Variants in SLC6A9 observed in about 807,000 individuals in gnomAD.
SLC6A9 encodes sodium- and chloride-dependent glycine transporter 1.
In SLC6A9, 31 loss-of-function variants were observed where a neutral mutation model predicts 70.9. The observed-to-expected ratio is 0.44, with a 90% CI of 0.33 to 0.59. SLC6A9 has a LOEUF of 0.59. Ranked by LOEUF, SLC6A9 falls within the 20% of genes least tolerant of loss-of-function variation. The pLI is 0.04. For synonymous variants in SLC6A9, 310 were observed against 341.3 expected (o/e 0.91, Z 1.01); for missense variants, 631 against 845.2 (o/e 0.75, Z 3.14).
intron 1 of SLC6A9, among the ~76,000 whole-genome samples, chr1:44,026,965 G>A (rs1426385996): frequency 1.3e-5 from 2 of 152,230 alleles, no homozygotes; most frequent in Non-Finnish European, 2.9e-5. Flanking sequence ...GTGGACTGGA[G>A]GGAAAAGACT....
chr1:44,028,864 G>T (rs921687379), intron 1 of SLC6A9, among the ~76,000 whole-genome samples: 2 of 152,184 alleles, frequency 1.3e-5, no homozygotes, highest in African/African-American at 4.8e-5. Context: ...AGGGGCTCAG[G>T]TTAGGAAGGT....
intron 12 of SLC6A9, 34 bp downstream of exon 12, chr1:44,000,733 G>A: frequency 7.2e-7 from 1 of 1,393,040 alleles, no homozygotes; most frequent in South Asian, 1.3e-5. Flanking sequence ...CCAAGGGGCA[G>A]CGGGGGAAGG....
Position 43,997,675 on chromosome 1 carries a change from CCT to C in SLC6A9, c.1770_1771del (p.Gly591AlafsTer11). On this transcript the variant is annotated frameshift_variant, in exon 14 of 14. Transcript: ENST00000372310. LOFTEE classifies it high-confidence loss of function. This position sits in a 1 kb window ranked among gnomAD's most constrained non-coding sequence, Gnocchi z 4.4. Reference sequence around the variant, plus strand: ...GGGGGCTATGGTGGGGGCGTAGCGCCCTGTCCGGTGCTCCAGGAGGGCAGGGC... The same window carrying C: ...GGGGGCTATGGTGGGGGCGTAGCGCCGTCCGGTGCTCCAGGAGGGCAGGGC... The C allele has an allele frequency of 6.2e-7, 1 of 1,613,348 alleles. No homozygotes were observed. The highest frequency in any genetic ancestry group is 8.5e-7 in the Non-Finnish European group (1 of 1,179,788).
chr1:44,009,223 CTT>C (rs34741082), intron 4 of SLC6A9, among the ~76,000 whole-genome samples: 66 of 132,268 alleles, frequency 5.0e-4, no homozygotes, highest in Admixed American at 7.5e-4. Context: ...ATGGGGTTTC[CTT>C]TTTTTTTTTT....
intron 1 of SLC6A9, among the ~76,000 whole-genome samples, chr1:44,025,806 A>C (rs1457381844): frequency 6.6e-6 from 1 of 152,176 alleles, no homozygotes; most frequent in Non-Finnish European, 1.5e-5. Context: ...TCTCAAAAAA[A>C]AAAAAAAAGA....
intron 5 of SLC6A9, among the ~76,000 whole-genome samples, chr1:44,005,844 A>G (rs2086287885): frequency 6.6e-6 from 1 of 152,190 alleles, no homozygotes; most frequent in Admixed American, 6.5e-5. Flanking sequence ...GGCAGCAGGG[A>G]GCCGTGCTGC....
chr1:44,002,920 C>A lies in SLC6A9; in HGVS notation c.656G>T (p.Gly219Val). ...NFGEVRLPLL[G>V]CLGVSWLVVF... ...GACCAACCAGGAGACACCGAGGCAGCCAAGGAGGGGCAGCCGCACCTCCCC... is the reference window on the plus strand; with the variant it reads ...GACCAACCAGGAGACACCGAGGCAGACAAGGAGGGGCAGCCGCACCTCCCC... The change falls in exon 6 of 14, where the codon GGC (glycine) becomes GTC (valine). Residue 219 changes from glycine to valine, a missense_variant. Physicochemically the swap from Gly to Val is moderately radical, Grantham distance 109. Coordinates refer to ENST00000372310, the MANE Select transcript of SLC6A9 (RefSeq NM_001024845.3). The surrounding 1 kb of genome is among the most constrained non-coding windows in gnomAD (Gnocchi z 5.5). The A allele has an allele frequency of 6.2e-7, 1 of 1,614,094 alleles. No homozygotes were observed. Among genetic ancestry groups the A allele is most frequent in the Non-Finnish European group, 8.5e-7 (1 of 1,179,960 alleles).
At chr1:44,003,143 C>T (rs751952143) in intron 5 of SLC6A9, among the ~76,000 whole-genome samples, 158 bp from the exon 6 acceptor site, 15 of 152,224 alleles carry the variant, frequency 9.9e-5, no homozygotes, top group Admixed American at 2.0e-4. Flanking sequence ...CAGCCCTGGC[C>T]GGCCCAGTCC....
At chr1:44,015,090 C>CT (rs908527299) in intron 2 of SLC6A9, among the ~76,000 whole-genome samples, 3 of 152,044 alleles carry the variant, frequency 2.0e-5, no homozygotes, top group Non-Finnish European at 2.9e-5. Context: ...CAATTTTGCC[C>CT]TTTTTTTTCC....
In SLC6A9 at chr1:44,001,386, G is replaced by T. The variant is rs200894491; in HGVS notation, c.1200+4C>A. On this transcript the variant is annotated splice_donor_region_variant and intron_variant, in intron 9 of 13. Transcript: ENST00000372310. The stretch of plus-strand genomic sequence containing the variant: ...GCCTCCGGTCCACGTCCTGCACCTC[G>T]TACCTGAGTGCCCAGCCCCAGCAGG... 1 of 1,612,280 alleles carries T rather than the reference G, an allele frequency of 6.2e-7. No homozygotes were observed.
chr1:44,020,079 C>T (rs894172023), intron 2 of SLC6A9, among the ~76,000 whole-genome samples: 16 of 152,180 alleles, frequency 1.1e-4, no homozygotes, highest in South Asian at 6.2e-4. Context: ...CTAGGATCAG[C>T]GGAAGGTCAT....
chr1:44,024,468 G>T, intron 1 of SLC6A9, 106 bp from the exon 2 acceptor site: 1 of 657,798 alleles, frequency 1.5e-6, no homozygotes, highest in Non-Finnish European at 2.7e-6. Context: ...CAGGCCCTCT[G>T]CCAGGCCATG....
rs752887055 is a variant in SLC6A9, at chr1:44,001,487, A to G, written c.1103T>C (p.Phe368Ser). 6.2e-6 allele frequency: 10 copies of G among 1,614,104 alleles called. No homozygotes were observed. Among genetic ancestry groups the G allele is most frequent in the Non-Finnish European group, 7.6e-6 (9 of 1,180,042 alleles). Reference protein sequence around the residue: ...RVADHGPGLAFVAYPEALTLL... With the variant: ...RVADHGPGLASVAYPEALTLL... Reference sequence around the variant, plus strand: ...TGTGAGGGCCTCGGGGTAAGCCACGAAGGCCAGGCCAGGGCCGTGGTCTGC... The same window carrying G: ...TGTGAGGGCCTCGGGGTAAGCCACGGAGGCCAGGCCAGGGCCGTGGTCTGC... The change falls in exon 9 of 14, where the codon TTC becomes TCC. Residue 368 changes from phenylalanine (F) to serine (S), a missense_variant. By Grantham distance (155) the Phe-to-Ser change is radical. Transcript: ENST00000372310.
In SLC6A9 at chr1:43,996,588, G is replaced by C. The variant is rs995111230; in HGVS notation, c.*957C>G. 1.1e-5 allele frequency: 2 copies of C among 175,750 alleles called. No individual in the cohort carries two copies. Among genetic ancestry groups the C allele is most frequent in the African/African-American group, 4.8e-5 (2 of 41,960 alleles). The allele number at this position is 175,750 out of a possible 1,614,324, so 10.9% of individuals were successfully genotyped here. A position where few individuals can be genotyped will look rare whatever the true frequency, so the allele number is the denominator to read the frequency against. Reference sequence around the variant, plus strand: ...GCACCGTTATTGCTACAGAGGATTAGAGGTGGCTTGGCCGGGGCTGTCACT... The same window carrying C: ...GCACCGTTATTGCTACAGAGGATTACAGGTGGCTTGGCCGGGGCTGTCACT... On this transcript the variant is annotated 3_prime_UTR_variant, in exon 14 of 14. Coordinates refer to ENST00000372310, the MANE Select transcript of SLC6A9 (RefSeq NM_001024845.3).
intron 2 of SLC6A9, among the ~76,000 whole-genome samples, chr1:44,023,846 T>A (rs761183931): frequency 1.3e-5 from 2 of 152,084 alleles, no homozygotes; most frequent in Admixed American, 6.5e-5. Context: ...AAAATGTTCT[T>A]TGTTACTTTT....
chr1:44,025,491 C>CAA lies in SLC6A9; in HGVS notation c.-85-1131_-85-1130dup, dbSNP rs924105808. On this transcript the variant is annotated intron_variant, in intron 1 of 13. Coordinates refer to ENST00000372310, the MANE Select transcript of SLC6A9 (RefSeq NM_001024845.3). Reference sequence around the variant, plus strand: ...TGGGCGACAGAGCAAGGTTCCGTCTCAAAAAAAAAAAAAAAAAAGTTATCT... The same window carrying CAA: ...TGGGCGACAGAGCAAGGTTCCGTCTCAAAAAAAAAAAAAAAAAAAAGTTATCT... 3.0e-3 allele frequency among the ~76,000 whole-genome samples: 277 copies of CAA among 93,210 alleles called. 3 individuals carry two copies. The East Asian group carries it at 0.03, about 10-fold the overall frequency. 61.1% of individuals were successfully genotyped at this position (93,210 alleles called of 152,430 possible).
chr1:44,027,860 A>G (rs2087010745), intron 1 of SLC6A9, among the ~76,000 whole-genome samples: 2 of 152,190 alleles, frequency 1.3e-5, no homozygotes, highest in Admixed American at 6.5e-5. Flanking sequence ...CTGTAATCCC[A>G]ACTACTTGGG....
chr1:44,010,910 C>T, intron 2 of SLC6A9, 28 bp from the exon 3 acceptor site: 1 of 1,613,430 alleles, frequency 6.2e-7, no homozygotes, highest in Non-Finnish European at 8.5e-7. Context: ...AAGCTACCAT[C>T]AGCAAGGCAT....
At position 44,002,839 on chromosome 1, in the gene SLC6A9, G is replaced by A; in HGVS notation, c.723+14C>T. 3 of 1,613,950 alleles carry A rather than the reference G, an allele frequency of 1.9e-6. No homozygotes were observed. The highest frequency in any genetic ancestry group is 2.5e-6 in the Non-Finnish European group (3 of 1,179,942). On this transcript the variant is annotated intron_variant, in intron 6 of 13. Transcript: ENST00000372310. The surrounding 1 kb of genome is among the most constrained non-coding windows in gnomAD (Gnocchi z 5.5). ...TCTGGGTGGGCACAGACCCTGCTGG[G>A]GAGGGGTACTTGCTTTCCCTGAAGA...
Sources: allele counts gnomAD v4.1 joint callset (sites outside exome capture counted in the v4.1 genomes callset), GRCh38; gene constraint gnomAD v4.1.1; non-coding constraint Gnocchi (gnomAD v3.1); transcripts MANE v1.5; gene names NCBI Gene and HGNC (gene_info 2026-07-23, HGNC 2026-07-21).